The following RAPH1 variants were observed in gnomAD, a reference collection of about 807,000 sequenced individuals.
RAPH1 encodes the protein ras-associated and pleckstrin homology domains-containing protein 1.
RAPH1 carries 18 observed loss-of-function variants against 88.1 expected under a neutral mutation model. The observed-to-expected ratio is 0.20, with a 90% CI of 0.14 to 0.30. The LOEUF is 0.30. Ranked by LOEUF, RAPH1 falls within the 10% of genes least tolerant of loss-of-function variation. RAPH1 has a pLI of 1.00. For missense variants in RAPH1, 1,448 were observed against 1,543.2 expected (o/e 0.94, Z 1.03); for synonymous variants, 587 against 559.0 (o/e 1.05, Z -0.71).
chr2:203,513,961 G>C (rs769603154), intron 1 of RAPH1, among the ~76,000 whole-genome samples: 1 of 151,716 alleles, frequency 6.6e-6, no homozygotes. Context: ...TCTCCTGCCT[G>C]AGCCTCCAGA....
At chr2:203,501,674 A>T (rs1346180294) in intron 1 of RAPH1, among the ~76,000 whole-genome samples, 3 of 152,192 alleles carry the variant, frequency 2.0e-5, no homozygotes, top group African/African-American at 7.2e-5. Context: ...AAAAAAGTTA[A>T]AAGTTGCTTT....
chr2:203,481,568 AATATATATATAT>A (rs60650703), intron 4 of RAPH1, among the ~76,000 whole-genome samples: 89 of 138,104 alleles, frequency 6.4e-4, no homozygotes, highest in Admixed American at 1.2e-3. Context: ...TAAATAGATG[AATATATATATAT>A]ATATATATAT....
At chr2:203,499,996 A>C (rs1186390921) in intron 1 of RAPH1, among the ~76,000 whole-genome samples, 1 of 152,192 alleles carries the variant, frequency 6.6e-6, no homozygotes, top group Non-Finnish European at 1.5e-5. Flanking sequence ...GCAGAGTGCT[A>C]TCAGAGCCAT....
chr2:203,533,545 T>C (rs573975842), intron 1 of RAPH1: 2 of 151,564 alleles, frequency 1.3e-5, no homozygotes, highest in African/African-American at 2.4e-5. Flanking sequence ...CCATGTGAAA[T>C]GTCCTCCTCC....
At chr2:203,457,677 GGCACAGGT>G (rs2098520878) in intron 7 of RAPH1, 82 bp from the exon 8 acceptor site, 11 of 991,640 alleles carry the variant, frequency 1.1e-5, no homozygotes, top group Non-Finnish European at 1.8e-5. Flanking sequence ...TTATTCCCTT[GGCACAGGT>G]GTGTGTATGT....
At chr2:203,495,426 T>C in intron 1 of RAPH1, 73 bp from the exon 2 acceptor site, 1 of 1,440,444 alleles carries the variant, frequency 6.9e-7, no homozygotes, top group Non-Finnish European at 9.7e-7. Flanking sequence ...CCATATATGC[T>C]CTGATATATA....
chr2:203,450,023 CA>C (rs775580168), intron 10 of RAPH1, among the ~76,000 whole-genome samples: 1,192 of 70,424 alleles, frequency 0.017, 5 homozygotes, highest in African/African-American at 0.053. Flanking sequence ...ACTTCGTCTC[CA>C]AAAAAAAAAA....
At chr2:203,477,824 G>C (rs1687534727) in intron 4 of RAPH1, among the ~76,000 whole-genome samples, 1 of 152,078 alleles carries the variant, frequency 6.6e-6, no homozygotes, top group Non-Finnish European at 1.5e-5. Flanking sequence ...GAGGAGAAGA[G>C]GAAAATGTTC....
intron 1 of RAPH1, among the ~76,000 whole-genome samples, chr2:203,509,579 TTC>T (rs1160466468): frequency 6.6e-6 from 1 of 152,220 alleles, no homozygotes; most frequent in Non-Finnish European, 1.5e-5. Flanking sequence ...AGTAAATCAC[TTC>T]TATTTTGCAT....
intron 3 of RAPH1, 51 bp downstream of exon 3, chr2:203,491,163 A>G (rs374680183): frequency 2.9e-5 from 36 of 1,254,752 alleles, no homozygotes; most frequent in Non-Finnish European, 4.0e-5. Context: ...CTGCTCCTAC[A>G]TTGTGTGACT....
chr2:203,444,203 G>A (rs1187880111), intron 13 of RAPH1: 2 of 152,274 alleles, frequency 1.3e-5, no homozygotes, highest in African/African-American at 4.8e-5. Context: ...GGAGGCTGAG[G>A]CAGGTGGATC....
chr2:203,434,604 T>C lies in RAPH1; in HGVS notation c.*4833A>G, dbSNP rs1361424247. On this transcript the variant is annotated 3_prime_UTR_variant, in exon 14 of 14. Transcript: ENST00000319170. ...AAAAGTAGGAGGTGGGGAAATAATA[T>C]GAAAAACGGCAGTTTTTGGTATTAG... 6.6e-6 allele frequency: 1 copy of C among 151,590 alleles called. No individual in the cohort carries two copies. Among genetic ancestry groups the C allele is most frequent in the Non-Finnish European group, 1.5e-5 (1 of 67,892 alleles). 9.4% of individuals were successfully genotyped at this position (151,590 alleles called of 1,614,324 possible).
intron 4 of RAPH1, chr2:203,476,993 TATGAAAAGGTTTC>T (rs1470023768): frequency 1.0e-6 from 1 of 963,558 alleles, no homozygotes; most frequent in African/African-American, 1.6e-5. Context: ...ACTGAAGTTA[TATGAAAAGGTTTC>T]ATCATTTGGA....
At chr2:203,498,026 A>G (rs1379216495) in intron 1 of RAPH1, among the ~76,000 whole-genome samples, 1 of 152,232 alleles carries the variant, frequency 6.6e-6, no homozygotes, top group Non-Finnish European at 1.5e-5. Context: ...TTAATAAGTA[A>G]TATAATCTGG....
At chr2:203,517,757 C>A (rs1689682037) in intron 1 of RAPH1, among the ~76,000 whole-genome samples, 1 of 151,988 alleles carries the variant, frequency 6.6e-6, no homozygotes, top group Non-Finnish European at 1.5e-5. Context: ...ACAACAACCT[C>A]TTAAATAACA....
At chr2:203,503,344 A>G (rs2105887927) in intron 1 of RAPH1, among the ~76,000 whole-genome samples, 1 of 152,336 alleles carries the variant, frequency 6.6e-6, no homozygotes, top group East Asian at 1.9e-4. Context: ...AAAGAGGTTT[A>G]ACTGGACGTA....
intron 4 of RAPH1, among the ~76,000 whole-genome samples, chr2:203,478,641 C>CA (rs1687585264): frequency 2.6e-5 from 4 of 152,242 alleles, no homozygotes; most frequent in African/African-American, 7.2e-5. Context: ...AGGCACCCGC[C>CA]ACCGCACCTG....
At position 203,504,362 on chromosome 2, in the gene RAPH1, A is replaced by G. The variant is rs111403275; in HGVS notation, c.1-9009T>C. 7.9e-4 allele frequency among the ~76,000 whole-genome samples: 120 copies of G among 152,278 alleles called. 1 individual carries two copies. The highest frequency in any genetic ancestry group is 3.4e-3 in the Middle Eastern group (1 of 294). On this transcript the variant is annotated intron_variant, in intron 1 of 13. Coordinates refer to ENST00000319170, the MANE Select transcript of RAPH1 (RefSeq NM_213589.3). ...TGTGCACCCGCAGGCTCAACACCAC[A>G]TGGAAGCTGCCAAGGCTTGGGGCTT...
At chr2:203,459,774 G>T in intron 7 of RAPH1, 133 bp downstream of exon 7, 1 of 878,226 alleles carries the variant, frequency 1.1e-6, no homozygotes, top group Non-Finnish European at 1.8e-6. Flanking sequence ...AGTAGATGAT[G>T]CTCCTATAGG....
Sources: allele counts gnomAD v4.1 joint callset (sites outside exome capture counted in the v4.1 genomes callset), GRCh38; gene constraint gnomAD v4.1.1; transcripts MANE v1.5; gene names NCBI Gene and HGNC (gene_info 2026-07-23, HGNC 2026-07-21).